Variants in OSBP2 observed in about 807,000 individuals in gnomAD.
OSBP2 encodes the protein oxysterol-binding protein 2.
In OSBP2, 66 loss-of-function variants were observed where a neutral mutation model predicts 96.0. That is an observed-to-expected ratio of 0.69 (90% CI 0.56 to 0.84). The LOEUF (loss-of-function observed/expected upper bound fraction) is 0.84, where lower values mean the gene tolerates loss of function less well. Among genes scored for constraint, OSBP2 ranks in the 40% least tolerant of loss-of-function variants. The pLI is 0.00. For synonymous variants in OSBP2, 525 were observed against 520.9 expected, an observed-to-expected ratio of 1.01 and a Z score of -0.11; for missense variants, 1,038 against 1,222.7, an observed-to-expected ratio of 0.85 and a Z score of 2.25.
rs1034149209 is a variant in OSBP2, at chr22:30,716,333, C to T, written c.644+20780C>T. Among the ~76,000 whole-genome samples the T allele has an allele frequency of 1.6e-4, 25 of 152,034 alleles. 4 individuals are homozygous for T. The highest frequency in any genetic ancestry group is 1.5e-3 in the Admixed American group (23 of 15,260). ...CTGGGACTACAGGCATAAGCCACCA[C>T]ACCTGGCTGAGCATCTTTTCATATG... On this transcript the variant is annotated intron_variant, in intron 1 of 13. Coordinates refer to ENST00000332585, the MANE Select transcript of OSBP2 (RefSeq NM_030758.4).
At chr22:30,902,634 C>T (rs1176069129) in intron 12 of OSBP2, 2 of 635,760 alleles carry the variant, frequency 3.1e-6, no homozygotes, top group East Asian at 3.0e-5. Flanking sequence ...TTCAAAGAAC[C>T]GACAGAGGAG....
At chr22:30,841,099 AG>A in intron 2 of OSBP2, among the ~76,000 whole-genome samples, 1 of 152,282 alleles carries the variant, frequency 6.6e-6, no homozygotes, top group African/African-American at 2.4e-5. Context: ...CGGGAGGCGG[AG>A]GCTGCAGTGA....
At chr22:30,846,947 T>C (rs755243921) in intron 2 of OSBP2, among the ~76,000 whole-genome samples, 2 of 152,056 alleles carry the variant, frequency 1.3e-5, no homozygotes, top group East Asian at 1.9e-4. Context: ...CTGTGTAGAA[T>C]TGATATTATT....
chr22:30,750,225 C>T (rs1454163216), intron 2 of OSBP2, among the ~76,000 whole-genome samples: 1 of 152,188 alleles, frequency 6.6e-6, no homozygotes, highest in East Asian at 1.9e-4. Flanking sequence ...AGCCTCTCGT[C>T]TATGGAATGA....
rs549591931 is a variant in OSBP2 at position 30,848,780 on chromosome 22, A to G, written c.854-21649A>G. On this transcript the variant is annotated intron_variant, in intron 2 of 13. Transcript: ENST00000332585. ...CGTTTTTATTGCTAACTCGTTTTCC[A>G]TAGTGTGAATATACCACAATTTTTC... 7.2e-5 allele frequency among the ~76,000 whole-genome samples: 11 copies of G among 152,314 alleles called. 1 individual carries two copies. The highest frequency in any genetic ancestry group is 7.2e-4 in the Admixed American group (11 of 15,302).
Position 30,893,208 on chromosome 22 carries a change from G to A in OSBP2, c.1956G>A (p.Lys652=). The change falls in exon 9 of 14, where the codon AAG becomes AAA. Residue 652 remains lysine, a synonymous_variant. Coordinates refer to ENST00000332585, the MANE Select transcript of OSBP2 (RefSeq NM_030758.4). ...SLWQEITISS[K]FRGKYISIMP... ...GGCAGGAGATCACCATCTCCAGCAA[G>A]TTCCGGGGAAAATACATCTCCATCA... The A allele has an allele frequency of 6.2e-7, 1 of 1,614,154 alleles. No homozygotes were observed. Among genetic ancestry groups the A allele is most frequent in the Non-Finnish European group, 8.5e-7 (1 of 1,179,996 alleles).
At position 30,694,891 on chromosome 22, in the gene OSBP2, G is replaced by T. The variant is rs2088994973; in HGVS notation, c.-19G>T. 6.6e-6 allele frequency: 8 copies of T among 1,215,900 alleles called. No individual in the cohort carries two copies. The highest frequency in any genetic ancestry group is 8.4e-6 in the Non-Finnish European group (8 of 952,302). The allele number at this position is 1,215,900 out of a possible 1,614,324, so 75.3% of individuals were successfully genotyped here. On this transcript the variant is annotated 5_prime_UTR_variant, in exon 1 of 14. Transcript: ENST00000332585. ...CCGCCCCCACTGGCCGCTCGGCCGC[G>T]CGCGGGTCGGCCGGCTCTATGGGGA...
chr22:30,889,647 C>T lies in OSBP2; in HGVS notation c.1623+11C>T, dbSNP rs376029396. On this transcript the variant is annotated intron_variant, in intron 7 of 13. Coordinates refer to ENST00000332585, the MANE Select transcript of OSBP2 (RefSeq NM_030758.4). ...AGGATCCCCATGCCGGTGGGTGGCTCGGGCAGGGCAGCCCCGACAGGTCCT... is the reference window on the plus strand; with the variant it reads ...AGGATCCCCATGCCGGTGGGTGGCTTGGGCAGGGCAGCCCCGACAGGTCCT... 1.2e-5 allele frequency: 20 copies of T among 1,613,616 alleles called. No homozygotes were observed. In the African/African-American group the frequency reaches 2.0e-4, roughly 16 times the overall value.
At chr22:30,875,726 G>A (rs1325563965) in intron 3 of OSBP2, among the ~76,000 whole-genome samples, 2 of 152,166 alleles carry the variant, frequency 1.3e-5, no homozygotes, top group Non-Finnish European at 2.9e-5. Flanking sequence ...GGCCTTGGAA[G>A]GACCCTCTGG....
intron 2 of OSBP2, among the ~76,000 whole-genome samples, chr22:30,775,784 T>G (rs1238542628): frequency 6.6e-6 from 1 of 152,002 alleles, no homozygotes; most frequent in Non-Finnish European, 1.5e-5. Flanking sequence ...TACATAAGAT[T>G]TTTTTGGGGG....
Position 30,881,593 on chromosome 22 carries a change from G to T in OSBP2, c.1108-5833G>T. Reference sequence around the variant, plus strand: ...GGGCTGGGTCAGCCAGGCCCTCCCTGGGCCCCTGGGAACCTCCCCCTGCCA... The same window carrying T: ...GGGCTGGGTCAGCCAGGCCCTCCCTTGGCCCCTGGGAACCTCCCCCTGCCA... On this transcript the variant is annotated intron_variant, in intron 3 of 13. Transcript: ENST00000332585. The surrounding 1 kb of genome is among the most constrained non-coding windows in gnomAD (Gnocchi z 4.5). 8.1e-7 allele frequency: 1 copy of T among 1,228,044 alleles called. No homozygotes were observed. 76.1% of individuals were successfully genotyped at this position (1,228,044 alleles called of 1,614,324 possible). A position where few individuals can be genotyped will look rare whatever the true frequency, so the allele number is the denominator to read the frequency against.
chr22:30,880,623 T>C (rs1251385460), intron 3 of OSBP2, among the ~76,000 whole-genome samples: 1 of 152,184 alleles, frequency 6.6e-6, no homozygotes, highest in Non-Finnish European at 1.5e-5. Flanking sequence ...TGGCTCTGCA[T>C]GCTCCCAAGA....
chr22:30,726,712 C>T (rs57629600), intron 1 of OSBP2, among the ~76,000 whole-genome samples: 4,953 of 152,208 alleles, frequency 0.033, 151 homozygotes, highest in African/African-American at 0.079. Context: ...TTCCAGGCCT[C>T]CTTTTTAATT....
chr22:30,838,811 G>T (rs1006482031), intron 2 of OSBP2, among the ~76,000 whole-genome samples: 10 of 132,758 alleles, frequency 7.5e-5, no homozygotes, highest in East Asian at 4.0e-4. Flanking sequence ...AAGGTTTTTT[G>T]TTGTTGTTGT....
intron 2 of OSBP2, among the ~76,000 whole-genome samples, chr22:30,842,276 C>T (rs1032882400): frequency 1.3e-5 from 2 of 152,056 alleles, no homozygotes; most frequent in African/African-American, 2.4e-5. Flanking sequence ...TCAGTCTGGG[C>T]GACAGAGCAA....
rs775666190 is a variant in OSBP2, at chr22:30,695,453, C to T, written c.544C>T (p.Leu182=). Reference sequence around the variant, plus strand: ...CAGTGCCCCACTGGCCTTACTGCCTCTGGACAGCTTCGAGGGCTGGCTTCT... The same window carrying T: ...CAGTGCCCCACTGGCCTTACTGCCTTTGGACAGCTTCGAGGGCTGGCTTCT... The part of the protein sequence containing the change: ...TSSAPLALLP[L]DSFEGWLLKW... Residue 182 remains leucine (L), a synonymous_variant, in exon 1 of 14, where the codon CTG becomes TTG. Transcript: ENST00000332585. The T allele has an allele frequency of 1.2e-6, 2 of 1,613,670 alleles. No homozygotes were observed. The highest frequency in any genetic ancestry group is 1.7e-6 in the Non-Finnish European group (2 of 1,180,042).
intron 1 of OSBP2, among the ~76,000 whole-genome samples, chr22:30,710,844 C>G (rs183311258): frequency 2.6e-5 from 4 of 152,200 alleles, no homozygotes; most frequent in Admixed American, 2.0e-4. Context: ...CTCCTGACCT[C>G]AGGTGATGTG....
rs1410425660 is a variant in OSBP2 at position 30,907,700 on chromosome 22, G to A, written c.*1361G>A. The A allele has an allele frequency of 2.0e-5, 3 of 152,610 alleles. No individual in the cohort carries two copies. The highest frequency in any genetic ancestry group is 7.2e-5 in the African/African-American group (3 of 41,452). The allele number at this position is 152,610 out of a possible 1,614,324, so 9.5% of individuals were successfully genotyped here. On this transcript the variant is annotated 3_prime_UTR_variant, in exon 14 of 14. Transcript: ENST00000332585. ...ATGCCCACTGGAGAGGCGGGGCGGG[G>A]TGGGGCAGGATGGCCCCACTGGGGC...
At chr22:30,887,712 T>G (rs1345025548) in intron 4 of OSBP2, 94 bp downstream of exon 4, 2 of 1,105,152 alleles carry the variant, frequency 1.8e-6, no homozygotes, top group Non-Finnish European at 2.6e-6. Flanking sequence ...CATCCCTGGC[T>G]GTGCCCACAT....
Sources: allele counts gnomAD v4.1 joint callset (sites outside exome capture counted in the v4.1 genomes callset), GRCh38; gene constraint gnomAD v4.1.1; non-coding constraint Gnocchi (gnomAD v3.1); transcripts MANE v1.5; gene names NCBI Gene and HGNC (gene_info 2026-07-23, HGNC 2026-07-21).